The following RAD51D variants were observed in gnomAD, a reference collection of about 807,000 sequenced individuals.
RAD51D encodes the protein DNA repair protein RAD51 homolog 4.
A neutral mutation model predicts 44.1 loss-of-function variants in RAD51D; 38 were observed. The observed-to-expected ratio is 0.86, with a 90% CI of 0.67 to 1.13. RAD51D has a LOEUF of 1.13. Ranked by LOEUF, RAD51D falls within the 50% of genes most tolerant of loss-of-function variation. The pLI, the probability that RAD51D is intolerant of heterozygous loss-of-function variation, is 0.00. For missense variants in RAD51D, 390 were observed against 414.0 expected, an observed-to-expected ratio of 0.94 and a Z score of 0.50; for synonymous variants, 141 against 166.6, an observed-to-expected ratio of 0.85 and a Z score of 1.18.
chr17:35,103,392 G>T lies in RAD51D; in HGVS notation c.667+62C>A. The T allele has an allele frequency of 1.2e-6, 2 of 1,608,340 alleles. No homozygotes were observed. Among genetic ancestry groups the T allele is most frequent in the Non-Finnish European group, 1.7e-6 (2 of 1,174,718 alleles). On this transcript the variant is annotated intron_variant, in intron 7 of 9. Coordinates refer to ENST00000345365, the MANE Select transcript of RAD51D (RefSeq NM_002878.4). The surrounding 1 kb of genome is among the most constrained non-coding windows in gnomAD (Gnocchi z 4.1). ...CAGGGATGGGGCTGGCCAGAGACCA[G>T]ACTCCAGAGCTGGGAGGCGAGGTCA...
rs1423192061 is a variant in RAD51D at position 35,118,584 on chromosome 17, C to G, written c.180G>C (p.Gln60His). The G allele has an allele frequency of 1.2e-6, 2 of 1,614,184 alleles. No homozygotes were observed. Among genetic ancestry groups the G allele is most frequent in the Non-Finnish European group, 1.7e-6 (2 of 1,180,044 alleles). Reference sequence around the variant, plus strand: ...CGCCATTCACGGGGAAAGCCGAGAACTGAGCCAGCAGCACCCGCCTCAGGG... The same window carrying G: ...CGCCATTCACGGGGAAAGCCGAGAAGTGAGCCAGCAGCACCCGCCTCAGGG... ...LVALRRVLLA[Q>H]FSAFPVNGAD... is the part of the protein sequence containing the mutation. Residue 60 changes from glutamine to histidine, a missense_variant, in exon 3 of 10, where the codon CAG becomes CAC. Coordinates refer to ENST00000345365, the MANE Select transcript of RAD51D (RefSeq NM_002878.4).
chr17:35,100,189 G>A lies in RAD51D; in HGVS notation c.*764C>T. The A allele has an allele frequency of 1.9e-6, 1 of 532,788 alleles. No individual in the cohort carries two copies. 33.0% of individuals were successfully genotyped at this position (532,788 alleles called of 1,614,324 possible). On this transcript the variant is annotated 3_prime_UTR_variant, in exon 10 of 10. Coordinates refer to ENST00000345365, the MANE Select transcript of RAD51D (RefSeq NM_002878.4). ...GAGTGGCTGGATTCACCAGGAGCAG[G>A]TCATACCCTCCCTTTCTGTTAAATT...
chr17:35,116,463 T>C (rs1319605106), intron 3 of RAD51D, among the ~76,000 whole-genome samples: 1 of 152,118 alleles, frequency 6.6e-6, no homozygotes, highest in Non-Finnish European at 1.5e-5. Flanking sequence ...TTTCTTCACC[T>C]ATAGAATGAT....
rs760444811 is a variant in RAD51D, at chr17:35,119,581, G to C, written c.33C>G (p.Gly11=). The C allele has an allele frequency of 6.2e-7, 1 of 1,612,596 alleles. No individual in the cohort carries two copies. The stretch of plus-strand genomic sequence containing the variant: ...GAAGCTGGATCATCTCCTCGGTAAG[G>C]CCAGGGCACAGTCCGACCCTGAGCA... The part of the protein sequence containing the change: MGVLRVGLCP[G]LTEEMIQLLR... Residue 11 remains glycine, a synonymous_variant, in exon 1 of 10, where the codon GGC becomes GGG. Transcript: ENST00000345365.
Position 35,099,205 on chromosome 17 carries a change from C to T in RAD51D, c.*1748G>A, listed in dbSNP as rs955139491. ...GGGTCCTCAGTTAGGTATTAAGTACCTGAACTCACTACATAATGGGAACAG... is the reference window on the plus strand; with the variant it reads ...GGGTCCTCAGTTAGGTATTAAGTACTTGAACTCACTACATAATGGGAACAG... On this transcript the variant is annotated 3_prime_UTR_variant, in exon 10 of 10. Transcript: ENST00000345365. 2 of 156,430 alleles carry T rather than the reference C, an allele frequency of 1.3e-5. No homozygotes were observed. The highest frequency in any genetic ancestry group is 2.8e-5 in the Non-Finnish European group (2 of 70,568). 9.7% of individuals were successfully genotyped at this position (156,430 alleles called of 1,614,324 possible).
In RAD51D at chr17:35,100,244, G is replaced by A. The variant is rs983433112; in HGVS notation, c.*709C>T. On this transcript the variant is annotated 3_prime_UTR_variant, in exon 10 of 10. Transcript: ENST00000345365. ...CCCTGGAACTGCAGCGAGCCCACACGTTCTCACCTAGTCATGGTGATGCAG... is the reference window on the plus strand; with the variant it reads ...CCCTGGAACTGCAGCGAGCCCACACATTCTCACCTAGTCATGGTGATGCAG... 17 of 533,048 alleles carry A rather than the reference G, an allele frequency of 3.2e-5. No homozygotes were observed. The highest frequency in any genetic ancestry group is 1.5e-4 in the African/African-American group (8 of 53,750). The allele number at this position is 533,048 out of a possible 1,614,324, so 33.0% of individuals were successfully genotyped here. A position where few individuals can be genotyped will look rare whatever the true frequency, so the allele number is the denominator to read the frequency against.
At chr17:35,118,420 A>G in intron 3 of RAD51D, 81 bp downstream of exon 3, 2 of 1,220,198 alleles carry the variant, frequency 1.6e-6, no homozygotes, top group East Asian at 2.3e-5. Flanking sequence ...CCTCCCGTCT[A>G]GACTCAAGCA....
rs1430088714 is a variant in RAD51D at position 35,100,677 on chromosome 17, G to T, written c.*276C>A. 1.7e-6 allele frequency: 1 copy of T among 592,644 alleles called. No homozygotes were observed. The highest frequency in any genetic ancestry group is 3.1e-6 in the Non-Finnish European group (1 of 320,910). The allele number at this position is 592,644 out of a possible 1,614,324, so 36.7% of individuals were successfully genotyped here. A position where few individuals can be genotyped will look rare whatever the true frequency, so the allele number is the denominator to read the frequency against. On this transcript the variant is annotated 3_prime_UTR_variant, in exon 10 of 10. Transcript: ENST00000345365. ...CATCAGAGATGCTCCCAGCCAGGGT[G>T]AACTTGGTTTCCACCAGAAACATAC...
chr17:35,118,927 G>A (rs2091784150), intron 2 of RAD51D, among the ~76,000 whole-genome samples, 184 bp downstream of exon 2: 1 of 152,166 alleles, frequency 6.6e-6, no homozygotes, highest in Non-Finnish European at 1.5e-5. Flanking sequence ...ATTTTTAGTA[G>A]GGACAGGGTT....
At chr17:35,115,695 C>T (rs1427478095) in intron 3 of RAD51D, among the ~76,000 whole-genome samples, 1 of 151,946 alleles carries the variant, frequency 6.6e-6, no homozygotes, top group Non-Finnish European at 1.5e-5. Flanking sequence ...TGGCGAAAGT[C>T]CATCTCTACT....
rs2091489599 is a variant in RAD51D, at chr17:35,096,950, C to T, written c.*4003G>A. Reference sequence around the variant, plus strand: ...GCCTTAATGATACATGGACCTTTGCCTGAGTCCTTGGGAATTCAAATGCCT... The same window carrying T: ...GCCTTAATGATACATGGACCTTTGCTTGAGTCCTTGGGAATTCAAATGCCT... On this transcript the variant is annotated 3_prime_UTR_variant, in exon 10 of 10. Coordinates refer to ENST00000345365, the MANE Select transcript of RAD51D (RefSeq NM_002878.4). 6.6e-6 allele frequency: 1 copy of T among 152,160 alleles called. No homozygotes were observed. The highest frequency in any genetic ancestry group is 1.5e-5 in the Non-Finnish European group (1 of 68,032). The allele number at this position is 152,160 out of a possible 1,614,324, so 9.4% of individuals were successfully genotyped here.
chr17:35,107,219 G>A (rs2142435282), intron 4 of RAD51D, 97 bp from the exon 5 acceptor site: 3 of 1,515,558 alleles, frequency 2.0e-6, no homozygotes, highest in Non-Finnish European at 2.7e-6. Context: ...ACACAAATGG[G>A]CTGAGTCCCG....
chr17:35,107,955 G>A (rs1044183659), intron 3 of RAD51D, among the ~76,000 whole-genome samples: 3 of 151,302 alleles, frequency 2.0e-5, no homozygotes, highest in Admixed American at 6.6e-5. Context: ...TCACCATGTT[G>A]GCCAGCCTGG....
rs1190807185 is a variant in RAD51D at position 35,119,781 on chromosome 17, G to A, written c.-168C>T. On this transcript the variant is annotated 5_prime_UTR_variant, in exon 1 of 10. Coordinates refer to ENST00000345365, the MANE Select transcript of RAD51D (RefSeq NM_002878.4). The stretch of plus-strand genomic sequence containing the variant: ...GAGGCGGCACCAAGGGTAGGGCTGG[G>A]GGTCATCCGCCCGCCCGGGATCCGC... 2 of 746,816 alleles carry A rather than the reference G, an allele frequency of 2.7e-6. No homozygotes were observed. The highest frequency in any genetic ancestry group is 4.7e-6 in the Non-Finnish European group (2 of 429,228). The allele number at this position is 746,816 out of a possible 1,614,324, so 46.3% of individuals were successfully genotyped here. A position where few individuals can be genotyped will look rare whatever the true frequency, so the allele number is the denominator to read the frequency against.
intron 5 of RAD51D, 124 bp from the exon 6 acceptor site, chr17:35,106,605 G>A: frequency 1.3e-6 from 1 of 752,354 alleles, no homozygotes; most frequent in South Asian, 1.5e-5. Flanking sequence ...AATGAGCTTT[G>A]TCTAATGGTC....
chr17:35,119,244 G>C (rs2091791197), intron 1 of RAD51D, 72 bp from the exon 2 acceptor site: 13 of 1,354,520 alleles, frequency 9.6e-6, no homozygotes, highest in Non-Finnish European at 1.2e-5. Context: ...TTCCTCATCT[G>C]TCAAATGGGG....
chr17:35,118,763 G>A, intron 2 of RAD51D, 144 bp from the exon 3 acceptor site: 1 of 747,686 alleles, frequency 1.3e-6, no homozygotes, highest in South Asian at 1.4e-5. Flanking sequence ...TGTTGTTTCA[G>A]ACAGGGTCTC....
In RAD51D at chr17:35,114,824, C is replaced by T. The variant is rs532914955; in HGVS notation, c.263+3677G>A. 7.2e-5 allele frequency among the ~76,000 whole-genome samples: 11 copies of T among 152,322 alleles called. No homozygotes were observed. The East Asian group carries it at 1.2e-3, about 16-fold the overall frequency. ...TCCTCAGGTGACTCCAATGGGCACA[C>T]AAGTTTGGGAACCACTGACCTAGAC... On this transcript the variant is annotated intron_variant, in intron 3 of 9. Transcript: ENST00000345365.
At chr17:35,115,948 G>GA (rs2091734837) in intron 3 of RAD51D, among the ~76,000 whole-genome samples, 1 of 87,290 alleles carries the variant, frequency 1.1e-5, no homozygotes, top group Admixed American at 1.4e-4. Context: ...AGAAAGAAAA[G>GA]GAAGAAAGGA....
Sources: gnomAD v4.1 joint callset for allele counts (sites outside exome capture counted in the v4.1 genomes callset) on GRCh38, gnomAD v4.1.1 for gene constraint, Gnocchi (gnomAD v3.1) non-coding constraint, MANE v1.5 for transcripts, NCBI Gene and HGNC (gene_info 2026-07-23, HGNC 2026-07-21) for gene names.